Variants in SRGAP1 observed in about 807,000 individuals in gnomAD.
SRGAP1 encodes the protein SLIT-ROBO Rho GTPase activating protein 1, also known as SLIT-ROBO Rho GTPase-activating protein 1.
In SRGAP1, 43 loss-of-function variants were observed where a neutral mutation model predicts 121.9. That is an observed-to-expected ratio of 0.35 (90% CI 0.28 to 0.46). The LOEUF (loss-of-function observed/expected upper bound fraction) is 0.46, where lower values mean the gene tolerates loss of function less well. Among genes scored for constraint, SRGAP1 ranks in the 20% least tolerant of loss-of-function variants. The pLI is 1.00. For synonymous variants in SRGAP1, 447 were observed against 485.4 expected (o/e 0.92, Z 1.04); for missense variants, 1,102 against 1,350.9 (o/e 0.82, Z 2.89).
At chr12:63,978,773 A>G (rs537966419) in intron 1 of SRGAP1, among the ~76,000 whole-genome samples, 2 of 152,340 alleles carry the variant, frequency 1.3e-5, no homozygotes, top group Non-Finnish European at 2.9e-5. Flanking sequence ...CTTTTGAAGA[A>G]CTGCCAGACT....
In SRGAP1 at chr12:64,142,475, G is replaced by C. The variant is rs761572950; in HGVS notation, c.3061G>C (p.Glu1021Gln). ...PLHNVALRSS[E>Q]PQIRRSTSSS... Reference sequence around the variant, plus strand: ...GCACAACGTTGCCCTCAGGAGCTCCGAGCCTCAGATTCGACGTAGCACGAG... The same window carrying C: ...GCACAACGTTGCCCTCAGGAGCTCCCAGCCTCAGATTCGACGTAGCACGAG... Residue 1021 changes from glutamate to glutamine, a missense_variant, in exon 22 of 22, where the codon GAG (glutamate) becomes CAG (glutamine). This residue lies in a region of SRGAP1 where 315 missense variants were observed against 343.1 expected (regional missense o/e 0.92). Transcript: ENST00000355086. 3 of 1,613,940 alleles carry C rather than the reference G, an allele frequency of 1.9e-6. No homozygotes were observed. The African/African-American group carries it at 4.0e-5, about 22-fold the overall frequency.
At chr12:64,108,169 TGTA>T (rs1328414867) in intron 15 of SRGAP1, among the ~76,000 whole-genome samples, 2 of 152,220 alleles carry the variant, frequency 1.3e-5, no homozygotes, top group Non-Finnish European at 2.9e-5. Flanking sequence ...AATAATGTGT[TGTA>T]GTAGTAACCT....
chr12:64,022,962 T>C (rs1036612607), intron 4 of SRGAP1, among the ~76,000 whole-genome samples: 3 of 151,670 alleles, frequency 2.0e-5, no homozygotes, highest in African/African-American at 7.3e-5. Flanking sequence ...TACAGCTGAG[T>C]TGATACAGGT....
chr12:63,988,999 C>T (rs748413763), intron 2 of SRGAP1, among the ~76,000 whole-genome samples: 14 of 151,954 alleles, frequency 9.2e-5, no homozygotes, highest in Non-Finnish European at 1.9e-4. Context: ...TTACTAGAGG[C>T]GGGGTTTCGC....
chr12:64,013,423 G>C (rs1270482078), intron 3 of SRGAP1, among the ~76,000 whole-genome samples: 2 of 152,184 alleles, frequency 1.3e-5, no homozygotes, highest in African/African-American at 4.8e-5. Flanking sequence ...TCAGAGCATA[G>C]TTCAGTTCCT....
chr12:64,006,746 A>G (rs1309052075), intron 3 of SRGAP1, among the ~76,000 whole-genome samples: 1 of 152,104 alleles, frequency 6.6e-6, no homozygotes, highest in Non-Finnish European at 1.5e-5. Context: ...AAAAGTTCTT[A>G]TTATTGTCAA....
chr12:64,031,421 G>T (rs370075324), intron 4 of SRGAP1, among the ~76,000 whole-genome samples: 3 of 151,770 alleles, frequency 2.0e-5, no homozygotes, highest in African/African-American at 7.2e-5. Context: ...GTTACTATGA[G>T]ATAAAAATTT....
chr12:64,130,637 A>G (rs1219446422), intron 21 of SRGAP1, among the ~76,000 whole-genome samples: 3 of 152,164 alleles, frequency 2.0e-5, no homozygotes, highest in Non-Finnish European at 4.4e-5. Context: ...CATTCTGTCA[A>G]TCCAGCTGCT....
intron 8 of SRGAP1, among the ~76,000 whole-genome samples, chr12:64,077,266 C>T (rs1030551998): frequency 6.6e-6 from 1 of 151,896 alleles, no homozygotes; most frequent in Non-Finnish European, 1.5e-5. Context: ...AAGAAAATAA[C>T]TGCTGCACAG....
At chr12:64,033,025 A>T (rs2034816700) in intron 4 of SRGAP1, among the ~76,000 whole-genome samples, 1 of 152,158 alleles carries the variant, frequency 6.6e-6, no homozygotes, top group Non-Finnish European at 1.5e-5. Context: ...CCAAAAAAGA[A>T]AAAAAATGCC....
chr12:63,918,284 A>T (rs1004385543), intron 1 of SRGAP1, among the ~76,000 whole-genome samples: 4 of 152,150 alleles, frequency 2.6e-5, no homozygotes, highest in Non-Finnish European at 4.4e-5. Flanking sequence ...TGTTTTAGAG[A>T]TGAGAAAACG....
intron 1 of SRGAP1, among the ~76,000 whole-genome samples, chr12:63,911,967 G>A (rs2030521740): frequency 1.3e-5 from 2 of 152,110 alleles, no homozygotes; most frequent in South Asian, 2.1e-4. Context: ...TACATCTTTA[G>A]GTTAAAATGA....
rs754154752 is a variant in SRGAP1, at chr12:64,091,278, C to T, written c.1439C>T (p.Pro480Leu). Residue 480 changes from proline to leucine, a missense_variant and splice_region_variant, in exon 12 of 22, where the codon CCT (proline) becomes CTT (leucine). Transcript: ENST00000355086. ...GHRAEYMTTR[P>L]PNVPPKPQKH... Reference sequence around the variant, plus strand: ...GTAATTATATTCCCTTCCCTTAGGCCTCCAAATGTTCCCCCTAAGCCCCAG... The same window carrying T: ...GTAATTATATTCCCTTCCCTTAGGCTTCCAAATGTTCCCCCTAAGCCCCAG... 5 of 1,587,650 alleles carry T rather than the reference C, an allele frequency of 3.1e-6. No individual in the cohort carries two copies. Among genetic ancestry groups the T allele is most frequent in the South Asian group, 1.2e-5 (1 of 86,902 alleles).
chr12:63,944,990 C>T (rs1045946335), intron 1 of SRGAP1, among the ~76,000 whole-genome samples: 1 of 152,158 alleles, frequency 6.6e-6, no homozygotes, highest in Non-Finnish European at 1.5e-5. Flanking sequence ...AGCCACTGAT[C>T]CACTTCTCAT....
chr12:63,949,996 G>A (rs1256498998), intron 1 of SRGAP1, among the ~76,000 whole-genome samples: 1 of 152,130 alleles, frequency 6.6e-6, no homozygotes, highest in East Asian at 1.9e-4. Flanking sequence ...TCTAAACAAT[G>A]CAGCCTCTGT....
At chr12:64,077,146 A>T (rs1279690024) in intron 8 of SRGAP1, among the ~76,000 whole-genome samples, 1 of 152,220 alleles carries the variant, frequency 6.6e-6, no homozygotes, top group African/African-American at 2.4e-5. Context: ...AGCAGCTGGA[A>T]AAAGAAAGCA....
Position 63,951,152 on chromosome 12 carries a change from C to CTTTTTTTTTTTTTTTTTTTTTT in SRGAP1, c.68-32787_68-32766dup, listed in dbSNP as rs58637983. ...GGGCTGGTCCATGCCATTTAGAACTCTTTTTTTTTTTTTTTTTTTTTTTTT... is the reference window on the plus strand; with the variant it reads ...GGGCTGGTCCATGCCATTTAGAACTCTTTTTTTTTTTTTTTTTTTTTTTTTTTTTTTTTTTTTTTTTTTTTTT... On this transcript the variant is annotated intron_variant, in intron 1 of 21. Coordinates refer to ENST00000355086, the MANE Select transcript of SRGAP1 (RefSeq NM_020762.4). Among the ~76,000 whole-genome samples the CTTTTTTTTTTTTTTTTTTTTTT allele has an allele frequency of 9.1e-5, 4 of 44,184 alleles. 2 individuals carry two copies. The highest frequency in any genetic ancestry group is 3.4e-4 in the African/African-American group (4 of 11,920). 29.0% of individuals were successfully genotyped at this position (44,184 alleles called of 152,430 possible).
chr12:64,075,405 A>G (rs756956750), intron 8 of SRGAP1, among the ~76,000 whole-genome samples: 24 of 152,120 alleles, frequency 1.6e-4, no homozygotes, highest in Non-Finnish European at 3.1e-4. Context: ...TAAACCCACA[A>G]CCTTCCAGTG....
intron 1 of SRGAP1, among the ~76,000 whole-genome samples, chr12:63,951,208 G>A (rs1247894432): frequency 1.3e-4 from 16 of 120,890 alleles, no homozygotes; most frequent in Non-Finnish European, 7.9e-5. Context: ...CTGTCACCCA[G>A]GCTGGAGTCC....
Sources: allele counts gnomAD v4.1 joint callset (sites outside exome capture counted in the v4.1 genomes callset), GRCh38; gene constraint gnomAD v4.1.1; regional missense constraint gnomAD v4.1.1; transcripts MANE v1.5; gene names NCBI Gene and HGNC (gene_info 2026-07-23, HGNC 2026-07-21).